The following NAV2 variants were observed in gnomAD, a reference collection of about 807,000 sequenced individuals.
NAV2 encodes neuron navigator 2.
Under a neutral mutation model 223.2 loss-of-function variants are expected in NAV2, and 54 were observed. The observed-to-expected ratio is 0.24, with a 90% CI of 0.19 to 0.30. The LOEUF (loss-of-function observed/expected upper bound fraction) is 0.30. NAV2 is among the 10% of genes least tolerant of loss of function. NAV2 has a pLI of 1.00. For missense variants in NAV2, 2,806 were observed against 3,147.5 expected (o/e 0.89, Z 2.60); for synonymous variants, 1,279 against 1,239.3 (o/e 1.03, Z -0.67).
rs577213454 is a variant in NAV2 at position 19,858,147 on chromosome 11, C to T, written c.439-10778C>T. Among the ~76,000 whole-genome samples, 115 of 152,328 alleles carry T rather than the reference C, an allele frequency of 7.5e-4. 2 individuals are homozygous for T. The highest frequency in any genetic ancestry group is 2.5e-3 in the African/African-American group (105 of 41,594). On this transcript the variant is annotated intron_variant, in intron 3 of 37. Transcript: ENST00000349880. ...CTGGGATTAAAGGCGTGAGCCACCA[C>T]GCCCGGCCAGAACTTGTTCATTTTA...
chr11:19,730,391 A>G (rs543183108), intron 1 of NAV2, among the ~76,000 whole-genome samples: 66 of 152,324 alleles, frequency 4.3e-4, no homozygotes, highest in Middle Eastern at 3.4e-3. Context: ...GGGGGAGGAA[A>G]AAGTGCCTTC....
intron 1 of NAV2, among the ~76,000 whole-genome samples, chr11:19,766,398 G>C (rs1359181528): frequency 1.3e-5 from 2 of 152,194 alleles, no homozygotes; most frequent in Admixed American, 1.3e-4. Flanking sequence ...GCCAGGCTTT[G>C]ATGTGAGGGG....
chr11:19,822,766 T>A (rs1243345646), intron 1 of NAV2, among the ~76,000 whole-genome samples: 1 of 152,212 alleles, frequency 6.6e-6, no homozygotes, highest in Admixed American at 6.5e-5. Context: ...GTATAAATGT[T>A]CATGTTAGCC....
At chr11:19,793,383 C>G (rs760711729) in intron 1 of NAV2, among the ~76,000 whole-genome samples, 59 of 152,162 alleles carry the variant, frequency 3.9e-4, no homozygotes, top group Non-Finnish European at 7.3e-4. Flanking sequence ...CTTGTCTTAA[C>G]TTTTATGATG....
intron 1 of NAV2, among the ~76,000 whole-genome samples, chr11:19,788,655 C>T (rs1231088096): frequency 1.3e-5 from 2 of 152,072 alleles, no homozygotes; most frequent in South Asian, 2.1e-4. Context: ...TGTCAGTCTG[C>T]TCCCTTCCCT....
intron 1 of NAV2, among the ~76,000 whole-genome samples, chr11:19,644,990 C>A (rs748106693): frequency 6.6e-6 from 1 of 152,046 alleles, no homozygotes; most frequent in Admixed American, 6.6e-5. Flanking sequence ...AGAAGGTGGA[C>A]GTATTAGTTT....
At chr11:19,773,067 T>G (rs2152606180) in intron 1 of NAV2, among the ~76,000 whole-genome samples, 1 of 152,300 alleles carries the variant, frequency 6.6e-6, no homozygotes, top group Non-Finnish European at 1.5e-5. Context: ...TGGCACCTTT[T>G]GGGATGCCAG....
chr11:19,632,487 G>A lies in NAV2; in HGVS notation c.76-199997G>A, dbSNP rs936785322. On this transcript the variant is annotated intron_variant, in intron 1 of 37. Coordinates refer to the NAV2 transcript ENST00000360655. ...TGCAGACTGTCTTTGATTATTCAAC[G>A]AGCTTTTATCAAGTTTAGATTATCC... Among the ~76,000 whole-genome samples the A allele has an allele frequency of 5.9e-5, 9 of 152,186 alleles. No individual in the cohort carries two copies. In the Middle Eastern group the frequency reaches 0.01, roughly 173 times the overall value.
intron 1 of NAV2, among the ~76,000 whole-genome samples, chr11:19,817,369 C>A (rs565801153): frequency 6.6e-6 from 1 of 152,278 alleles, no homozygotes; most frequent in South Asian, 2.1e-4. Context: ...TGTGACTCAC[C>A]TTTCTCTGCC....
intron 1 of NAV2, among the ~76,000 whole-genome samples, chr11:19,697,776 A>G (rs1391703255): frequency 6.6e-6 from 1 of 152,226 alleles, no homozygotes; most frequent in Non-Finnish European, 1.5e-5. Flanking sequence ...TGTCTTCAGA[A>G]GAGAGCAGGG....
intron 11 of NAV2, among the ~76,000 whole-genome samples, chr11:20,027,022 C>T (rs1032319906): frequency 6.6e-6 from 1 of 152,130 alleles, no homozygotes; most frequent in Admixed American, 6.5e-5. Context: ...CTGTAAATGT[C>T]GATTAAAGTT....
At chr11:19,671,749 C>A (rs915420701) in intron 1 of NAV2, among the ~76,000 whole-genome samples, 1 of 152,174 alleles carries the variant, frequency 6.6e-6, no homozygotes, top group African/African-American at 2.4e-5. Flanking sequence ...TGTTTGCAAC[C>A]CTTTAAAAAT....
intron 1 of NAV2, among the ~76,000 whole-genome samples, chr11:19,539,968 A>G (rs2044296830): frequency 6.6e-6 from 1 of 152,196 alleles, no homozygotes; most frequent in African/African-American, 2.4e-5. Flanking sequence ...ATAGGAGCAC[A>G]TAATCCCATC....
At chr11:19,375,927 G>T (rs962078429) in intron 1 of NAV2, among the ~76,000 whole-genome samples, 1 of 152,128 alleles carries the variant, frequency 6.6e-6, no homozygotes, top group Non-Finnish European at 1.5e-5. Context: ...TTGGTAGAGA[G>T]GTAGAGAAGA....
intron 1 of NAV2, among the ~76,000 whole-genome samples, chr11:19,358,126 C>A (rs1161343559): frequency 1.3e-5 from 2 of 152,108 alleles, no homozygotes; most frequent in African/African-American, 4.8e-5. Flanking sequence ...ATCCTCAGGG[C>A]ATTAATTTTT....
At chr11:19,595,730 A>C (rs1018881177) in intron 1 of NAV2, among the ~76,000 whole-genome samples, 2 of 151,694 alleles carry the variant, frequency 1.3e-5, no homozygotes, top group African/African-American at 4.9e-5. Flanking sequence ...ATTAAAAAAA[A>C]AAAATTTTTT....
chr11:20,004,796 G>A lies in NAV2; in HGVS notation c.2768+20549G>A, dbSNP rs191292520. Among the ~76,000 whole-genome samples, 322 of 152,282 alleles carry A rather than the reference G, an allele frequency of 2.1e-3. 1 individual carries two copies. The highest frequency in any genetic ancestry group is 6.3e-3 in the Admixed American group (96 of 15,298). On this transcript the variant is annotated intron_variant, in intron 11 of 37. Coordinates refer to ENST00000349880, the MANE Select transcript of NAV2 (RefSeq NM_145117.5). ...GTGTTTTAGGGAGTCAGGGTTTCTC[G>A]TCTGCCATTCCTTTTTTCCAATCCT...
At chr11:19,577,561 T>C (rs2045604087) in intron 1 of NAV2, among the ~76,000 whole-genome samples, 1 of 152,266 alleles carries the variant, frequency 6.6e-6, no homozygotes, top group Admixed American at 6.5e-5. Flanking sequence ...TTCACAGCTC[T>C]GTTTCCCCTC....
At chr11:19,371,104 A>G (rs1848454268) in intron 1 of NAV2, among the ~76,000 whole-genome samples, 1 of 152,208 alleles carries the variant, frequency 6.6e-6, no homozygotes, top group Admixed American at 6.5e-5. Context: ...TCGCTGGAAA[A>G]GGATTGCAGA....
Sources: allele counts gnomAD v4.1 joint callset (sites outside exome capture counted in the v4.1 genomes callset), GRCh38; gene constraint gnomAD v4.1.1; transcripts MANE v1.5; gene names NCBI Gene and HGNC (gene_info 2026-07-23, HGNC 2026-07-21).